GPBP1: variants seen among roughly 807,000 people sequenced by gnomAD.
The protein encoded by GPBP1 is GC-rich promoter binding protein 1.
GPBP1 carries 13 observed loss-of-function variants against 56.5 expected under a neutral mutation model. The observed-to-expected ratio is 0.23, with a 90% CI of 0.15 to 0.37. The LOEUF is 0.37. GPBP1 is among the 10% of genes least tolerant of loss of function. The probability of loss-of-function intolerance (pLI) is 1.00; values close to 1 mark genes in which losing one functional copy is unlikely to be tolerated. For missense variants in GPBP1, 477 were observed against 572.3 expected (o/e 0.83, Z 1.70); for synonymous variants, 204 against 188.9 (o/e 1.08, Z -0.66).
At chr5:57,260,760 C>T (rs957439897) in intron 10 of GPBP1, among the ~76,000 whole-genome samples, 4 of 152,092 alleles carry the variant, frequency 2.6e-5, no homozygotes, top group Admixed American at 1.3e-4. Context: ...TGGAGGTTTC[C>T]TGATCAAATG....
chr5:57,214,482 G>A (rs973474717), intron 3 of GPBP1, among the ~76,000 whole-genome samples: 3 of 152,122 alleles, frequency 2.0e-5, no homozygotes, highest in African/African-American at 2.4e-5. Flanking sequence ...CTATTCAAGA[G>A]GCTGAGGTGG....
At chr5:57,220,661 T>C (rs1033078358) in intron 3 of GPBP1, among the ~76,000 whole-genome samples, 1 of 152,056 alleles carries the variant, frequency 6.6e-6, no homozygotes, top group Admixed American at 6.6e-5. Context: ...GGTTTCATCA[T>C]ATTGTCCAGG....
At chr5:57,215,592 G>A (rs1363817917) in intron 3 of GPBP1, among the ~76,000 whole-genome samples, 6 of 152,194 alleles carry the variant, frequency 3.9e-5, no homozygotes, top group Admixed American at 3.3e-4. Flanking sequence ...CTCTCCTTAC[G>A]TATCTCTTTC....
rs1170011600 is a variant in GPBP1, at chr5:57,212,725, A to G, written c.-57-1349A>G. 2.8e-5 allele frequency among the ~76,000 whole-genome samples: 4 copies of G among 144,190 alleles called. No homozygotes were observed. The East Asian group carries it at 8.1e-4, about 29-fold the overall frequency. The allele number at this position is 144,190 out of a possible 152,430, so 94.6% of individuals were successfully genotyped here. ...GCTCTTGTTGCACAGGCTGGAGTGC[A>G]GTGGCTCTATTTCGGCTCACTGCAA... On this transcript the variant is annotated intron_variant, in intron 2 of 11. Coordinates refer to ENST00000506184, the MANE Select transcript of GPBP1 (RefSeq NM_022913.4).
chr5:57,179,521 T>A (rs1488992634), intron 2 of GPBP1, among the ~76,000 whole-genome samples: 1 of 152,238 alleles, frequency 6.6e-6, no homozygotes, highest in Non-Finnish European at 1.5e-5. Flanking sequence ...CCTTGTATTT[T>A]TCTTTCACCC....
At chr5:57,241,545 G>A (rs1201086679) in intron 6 of GPBP1, among the ~76,000 whole-genome samples, 1 of 152,154 alleles carries the variant, frequency 6.6e-6, no homozygotes. Context: ...GGGCAGCATA[G>A]TGAACCTTGT....
At chr5:57,213,647 G>A (rs765184648) in intron 2 of GPBP1, among the ~76,000 whole-genome samples, 2 of 151,986 alleles carry the variant, frequency 1.3e-5, no homozygotes, top group African/African-American at 2.4e-5. Flanking sequence ...AGTTAAATCA[G>A]ATTTCAAATT....
chr5:57,243,070 T>A (rs1740909175), intron 6 of GPBP1, among the ~76,000 whole-genome samples: 1 of 151,054 alleles, frequency 6.6e-6, no homozygotes, highest in South Asian at 2.1e-4. Flanking sequence ...ACTTTTTTTG[T>A]TTTTTTCTTT....
chr5:57,194,350 G>T (rs1278809780), intron 2 of GPBP1, among the ~76,000 whole-genome samples: 2 of 152,098 alleles, frequency 1.3e-5, no homozygotes, highest in African/African-American at 4.8e-5. Context: ...AGGTGTATCA[G>T]ACCTTTTTGT....
intron 2 of GPBP1, among the ~76,000 whole-genome samples, chr5:57,210,362 G>A (rs1755422550): frequency 6.6e-6 from 1 of 152,096 alleles, no homozygotes; most frequent in Non-Finnish European, 1.5e-5. Context: ...AGCAGTATTT[G>A]TGTATCTTAA....
intron 2 of GPBP1, among the ~76,000 whole-genome samples, chr5:57,185,325 A>C (rs145543432): frequency 6.6e-6 from 1 of 151,156 alleles, no homozygotes; most frequent in East Asian, 1.9e-4. Context: ...GCAATGGGGC[A>C]ATCTCGGCTC....
intron 9 of GPBP1, 78 bp downstream of exon 9, chr5:57,249,654 A>C: frequency 1.8e-6 from 2 of 1,124,020 alleles, no homozygotes; most frequent in Non-Finnish European, 2.5e-6. Context: ...GGACCTTGGA[A>C]TACATTTGAA....
intron 3 of GPBP1, among the ~76,000 whole-genome samples, chr5:57,229,573 G>A (rs1045735896): frequency 4.0e-5 from 6 of 151,488 alleles, no homozygotes; most frequent in African/African-American, 1.5e-4. Flanking sequence ...GTCTCGTCCA[G>A]GCTCTGGAGT....
intron 2 of GPBP1, among the ~76,000 whole-genome samples, chr5:57,190,040 C>T (rs1054640845): frequency 5.3e-5 from 8 of 152,050 alleles, no homozygotes; most frequent in South Asian, 2.1e-4. Context: ...ACCCTGTGCC[C>T]GTCTTTATCA....
At chr5:57,246,013 T>G (rs1320972824) in intron 6 of GPBP1, 6 of 235,696 alleles carry the variant, frequency 2.5e-5, no homozygotes, top group Non-Finnish European at 8.1e-6. Flanking sequence ...CAAGGCATGT[T>G]AAAATATAAT....
intron 6 of GPBP1, 41 bp from the exon 7 acceptor site, chr5:57,246,257 CTT>C (rs767331829): frequency 6.7e-7 from 1 of 1,496,974 alleles, no homozygotes; most frequent in South Asian, 1.3e-5. Flanking sequence ...TATACTAAAA[CTT>C]GAAATTGTGA....
chr5:57,212,932 C>A (rs2111758887), intron 2 of GPBP1, among the ~76,000 whole-genome samples: 1 of 152,188 alleles, frequency 6.6e-6, no homozygotes, highest in African/African-American at 2.4e-5. Context: ...CTGCCTCAGC[C>A]CCCTCCCTCA....
intron 3 of GPBP1, among the ~76,000 whole-genome samples, chr5:57,223,201 T>C (rs920652073): frequency 1.3e-5 from 2 of 152,156 alleles, no homozygotes; most frequent in Admixed American, 1.3e-4. Context: ...CTTGAACTCC[T>C]GGCCTCGGCT....
intron 6 of GPBP1, among the ~76,000 whole-genome samples, chr5:57,241,309 C>T (rs1740814566): frequency 6.6e-6 from 1 of 152,168 alleles, no homozygotes; most frequent in African/African-American, 2.4e-5. Context: ...TCTAATTTGT[C>T]TTCCTGAGAA....
Sources: gnomAD v4.1 joint callset for allele counts (sites outside exome capture counted in the v4.1 genomes callset) on GRCh38, gnomAD v4.1.1 for gene constraint, MANE v1.5 for transcripts, NCBI Gene and HGNC (gene_info 2026-07-23, HGNC 2026-07-21) for gene names.